The following GRIA4 variants were observed in gnomAD, a reference collection of about 807,000 sequenced individuals.
The protein encoded by GRIA4 is glutamate ionotropic receptor AMPA type subunit 4, also known as glutamate receptor 4.
In GRIA4, 34 loss-of-function variants were observed where a neutral mutation model predicts 104.0. The ratio of observed to expected loss-of-function variants is 0.33; its 90% CI spans 0.25 to 0.44. The LOEUF (loss-of-function observed/expected upper bound fraction) is 0.44. Among genes scored for constraint, GRIA4 ranks in the 20% least tolerant of loss-of-function variants. The probability of loss-of-function intolerance (pLI) is 1.00; values close to 1 mark genes in which losing one functional copy is unlikely to be tolerated. For synonymous variants in GRIA4, 386 were observed against 381.9 expected, an observed-to-expected ratio of 1.01 and a Z score of -0.13; for missense variants, 750 against 1,096.5, an observed-to-expected ratio of 0.68 and a Z score of 4.46.
intron 4 of GRIA4, 138 bp downstream of exon 4, chr11:105,753,358 C>A: frequency 1.3e-6 from 1 of 789,976 alleles, no homozygotes; most frequent in Non-Finnish European, 2.0e-6. Context: ...GTATTTTTAT[C>A]TTGACTCTGG....
intron 4 of GRIA4, chr11:105,824,524 G>A (rs981154235): frequency 2.6e-5 from 4 of 151,926 alleles, no homozygotes; most frequent in Non-Finnish European, 5.9e-5. Context: ...TCATTTCTAT[G>A]CCTATTTAAA....
chr11:105,799,330 C>T (rs927659145), intron 4 of GRIA4, among the ~76,000 whole-genome samples: 23 of 151,844 alleles, frequency 1.5e-4, no homozygotes, highest in African/African-American at 5.6e-4. Context: ...CAAGAAAGAG[C>T]AAAAAGAAAG....
At chr11:105,743,641 C>G (rs1423388743) in intron 3 of GRIA4, among the ~76,000 whole-genome samples, 1 of 152,138 alleles carries the variant, frequency 6.6e-6, no homozygotes, top group African/African-American at 2.4e-5. Flanking sequence ...CAACTACCAG[C>G]TAGACACCTG....
rs116409543 is a variant in GRIA4 at position 105,823,391 on chromosome 11, A to G, written c.488-38633A>G. 8.9e-3 allele frequency among the ~76,000 whole-genome samples: 1,354 copies of G among 152,216 alleles called. 26 individuals are homozygous for G. The highest frequency in any genetic ancestry group is 0.03 in the African/African-American group (1,253 of 41,548). ...TGCGGTTAGGTTCTTGTGGAAAAAA[A>G]CATAAGGTAATAAGTCAAAAAGAGA... On this transcript the variant is annotated intron_variant, in intron 4 of 16. Coordinates refer to ENST00000282499, the MANE Select transcript of GRIA4 (RefSeq NM_000829.4).
intron 4 of GRIA4, among the ~76,000 whole-genome samples, chr11:105,844,353 A>G (rs993129500): frequency 3.3e-5 from 5 of 152,160 alleles, no homozygotes; most frequent in Non-Finnish European, 5.9e-5. Flanking sequence ...TTTCTTTTCT[A>G]CTCCACTCTG....
chr11:105,854,814 G>A (rs1362792156), intron 4 of GRIA4, among the ~76,000 whole-genome samples: 1 of 152,126 alleles, frequency 6.6e-6, no homozygotes, highest in African/African-American at 2.4e-5. Context: ...TCTGCATGCT[G>A]AAGTGTGGTG....
chr11:105,785,713 A>G (rs142443830), intron 4 of GRIA4, among the ~76,000 whole-genome samples: 1 of 152,190 alleles, frequency 6.6e-6, no homozygotes, highest in Non-Finnish European at 1.5e-5. Flanking sequence ...TTCTAAACTG[A>G]TATTATCTGC....
At chr11:105,824,363 T>C (rs369198665) in intron 4 of GRIA4, among the ~76,000 whole-genome samples, 214 of 152,186 alleles carry the variant, frequency 1.4e-3, no homozygotes, top group African/African-American at 4.8e-3. Flanking sequence ...TACTATTTCT[T>C]AATTTTTTAT....
chr11:105,864,819 G>A (rs986634171), intron 5 of GRIA4, among the ~76,000 whole-genome samples: 5 of 151,956 alleles, frequency 3.3e-5, no homozygotes, highest in Admixed American at 1.3e-4. Flanking sequence ...GTGGTGAGCC[G>A]AGATCGTGCC....
chr11:105,659,351 A>G (rs557051515), intron 3 of GRIA4, among the ~76,000 whole-genome samples: 89 of 152,132 alleles, frequency 5.9e-4, no homozygotes, highest in African/African-American at 2.1e-3. Flanking sequence ...AGAGACTTCT[A>G]GGAAAGGTTT....
chr11:105,885,003 A>T (rs1199752422), intron 5 of GRIA4, among the ~76,000 whole-genome samples: 3 of 152,174 alleles, frequency 2.0e-5, no homozygotes, highest in African/African-American at 7.2e-5. Flanking sequence ...AGAGAGTGCA[A>T]AATGGCTTAA....
chr11:105,909,862 C>T (rs140123778), intron 9 of GRIA4, among the ~76,000 whole-genome samples: 48 of 152,098 alleles, frequency 3.2e-4, no homozygotes, highest in South Asian at 6.2e-4. Flanking sequence ...TATTTGAAAG[C>T]GAAAACACTG....
chr11:105,733,997 A>C (rs1388426571), intron 3 of GRIA4, among the ~76,000 whole-genome samples: 4 of 147,316 alleles, frequency 2.7e-5, no homozygotes, highest in Non-Finnish European at 6.0e-5. Context: ...ATGAATACAT[A>C]TATATATTAT....
intron 3 of GRIA4, among the ~76,000 whole-genome samples, chr11:105,734,735 A>G (rs934363274): frequency 6.6e-6 from 1 of 152,214 alleles, no homozygotes; most frequent in African/African-American, 2.4e-5. Flanking sequence ...TGTCTGAGAT[A>G]GTGTTTTCTC....
intron 4 of GRIA4, among the ~76,000 whole-genome samples, chr11:105,809,545 A>G (rs1316849213): frequency 2.0e-5 from 3 of 152,062 alleles, no homozygotes; most frequent in African/African-American, 7.2e-5. Flanking sequence ...GAGGGAGATG[A>G]TTGGATCATG....
Position 105,903,799 on chromosome 11 carries a change from T to C in GRIA4, c.886-15T>C. The C allele has an allele frequency of 6.4e-7, 1 of 1,574,366 alleles. No homozygotes were observed. The highest frequency in any genetic ancestry group is 8.7e-7 in the Non-Finnish European group (1 of 1,145,546). On this transcript the variant is annotated splice_polypyrimidine_tract_variant and intron_variant, in intron 7 of 16. Coordinates refer to ENST00000282499, the MANE Select transcript of GRIA4 (RefSeq NM_000829.4). ...ATTTTAACATTTACCATTATGTTCA[T>C]TTTCATTTGGTTAGTACACCTCTGC...
intron 4 of GRIA4, among the ~76,000 whole-genome samples, chr11:105,809,704 G>A (rs770756141): frequency 1.3e-4 from 20 of 151,958 alleles, no homozygotes; most frequent in Admixed American, 2.0e-4. Flanking sequence ...ATGATTTTAC[G>A]TGTCCTGAGG....
At chr11:105,835,548 G>A (rs937792256) in intron 4 of GRIA4, among the ~76,000 whole-genome samples, 18 of 151,902 alleles carry the variant, frequency 1.2e-4, no homozygotes, top group Admixed American at 1.1e-3. Context: ...CATGGATTTT[G>A]TGTGTGTGTG....
chr11:105,916,333 T>C (rs1342526893), intron 10 of GRIA4, among the ~76,000 whole-genome samples: 2 of 152,202 alleles, frequency 1.3e-5, no homozygotes, highest in Non-Finnish European at 2.9e-5. Context: ...TACCTCAATG[T>C]GCCAGTGTCA....
Sources: allele counts gnomAD v4.1 joint callset (sites outside exome capture counted in the v4.1 genomes callset), GRCh38; gene constraint gnomAD v4.1.1; transcripts MANE v1.5; gene names NCBI Gene and HGNC (gene_info 2026-07-23, HGNC 2026-07-21).